CGGBP1: variants seen among roughly 807,000 people sequenced by gnomAD.
CGGBP1 encodes CGG triplet repeat-binding protein 1.
Under a neutral mutation model 11.4 loss-of-function variants are expected in CGGBP1, and 4 were observed. The observed-to-expected ratio is 0.35, with a 90% CI of 0.17 to 0.80. CGGBP1 has a LOEUF of 0.80. Among genes scored for constraint, CGGBP1 ranks in the 30% least tolerant of loss-of-function variants. The probability of loss-of-function intolerance (pLI) is 0.52; values close to 1 mark genes in which losing one functional copy is unlikely to be tolerated. For missense variants in CGGBP1, 135 were observed against 202.1 expected, an observed-to-expected ratio of 0.67 and a Z score of 2.01; for synonymous variants, 76 against 74.1, an observed-to-expected ratio of 1.03 and a Z score of -0.13.
intron 2 of CGGBP1, among the ~76,000 whole-genome samples, chr3:88,088,674 G>A (rs1184355393): frequency 6.6e-6 from 1 of 152,128 alleles, no homozygotes; most frequent in Non-Finnish European, 1.5e-5. Flanking sequence ...GAAATTGTAG[G>A]AGGGAAAGAG....
At chr3:88,099,628 T>C (rs1394305570) in intron 2 of CGGBP1, among the ~76,000 whole-genome samples, 1 of 151,972 alleles carries the variant, frequency 6.6e-6, no homozygotes, top group African/African-American at 2.4e-5. Context: ...AAAACAGAGA[T>C]ACAGACCAAT....
intron 2 of CGGBP1, among the ~76,000 whole-genome samples, chr3:88,071,785 C>G (rs1335862819): frequency 6.6e-6 from 1 of 152,040 alleles, no homozygotes; most frequent in Non-Finnish European, 1.5e-5. Flanking sequence ...GCCTGGGCGA[C>G]AAGAGTGAGA....
At chr3:88,072,317 G>C (rs115772298) in intron 2 of CGGBP1, among the ~76,000 whole-genome samples, 2,840 of 152,232 alleles carry the variant, frequency 0.019, 95 homozygotes, top group African/African-American at 0.064. Flanking sequence ...TTACACAGCA[G>C]TCAATGTGAT....
intron 2 of CGGBP1, among the ~76,000 whole-genome samples, chr3:88,077,287 C>A (rs1355227503): frequency 2.0e-5 from 3 of 150,854 alleles, no homozygotes; most frequent in Non-Finnish European, 4.4e-5. Flanking sequence ...TTTGCCCTGG[C>A]TTATGTTGGT....
chr3:88,125,925 A>T (rs1054716544), intron 2 of CGGBP1, among the ~76,000 whole-genome samples: 1 of 152,212 alleles, frequency 6.6e-6, no homozygotes, highest in Non-Finnish European at 1.5e-5. Context: ...AAGTCCAGTT[A>T]TACAGATACT....
intron 2 of CGGBP1, among the ~76,000 whole-genome samples, chr3:88,071,941 G>A (rs1175584135): frequency 6.6e-6 from 1 of 152,154 alleles, no homozygotes; most frequent in Non-Finnish European, 1.5e-5. Context: ...TAACTTGTAA[G>A]TGCTCATAAA....
At chr3:88,087,565 G>A (rs1404826776) in intron 2 of CGGBP1, among the ~76,000 whole-genome samples, 1 of 152,172 alleles carries the variant, frequency 6.6e-6, no homozygotes, top group East Asian at 1.9e-4. Flanking sequence ...AGTTTTCTGG[G>A]GGACAGAAAG....
intron 2 of CGGBP1, chr3:88,057,679 G>C (rs943122481): frequency 2.0e-5 from 3 of 152,178 alleles, no homozygotes; most frequent in Non-Finnish European, 4.4e-5. Flanking sequence ...TATGTAAAAA[G>C]TCTTGTATCT....
Position 88,055,768 on chromosome 3 carries a change from C to T in CGGBP1, c.209G>A (p.Arg70Lys), listed in dbSNP as rs2107558824. The change falls in exon 4 of 4, where the codon AGG (arginine) becomes AAG (lysine). Residue 70 changes from arginine to lysine, a missense_variant. By Grantham distance (26) the Arg-to-Lys change is conservative. Transcript: ENST00000482016. The surrounding 1 kb of genome is among the most constrained non-coding windows in gnomAD (Gnocchi z 4.2). ...ATTCTGCTCTTCAAATTCTGCCTTC[C>T]TCTTGGTATGAGTCTTTGACTTGAG... ...DHLKSKTHTKRKAEFEEQNVR... is the reference protein window; with the variant it reads ...DHLKSKTHTKKKAEFEEQNVR... 1.9e-6 allele frequency: 3 copies of T among 1,614,184 alleles called. No individual in the cohort carries two copies. The East Asian group carries it at 6.7e-5, about 36-fold the overall frequency.
At chr3:88,084,800 C>T (rs772927540) in intron 2 of CGGBP1, among the ~76,000 whole-genome samples, 33 of 152,152 alleles carry the variant, frequency 2.2e-4, no homozygotes, top group Non-Finnish European at 4.1e-4. Flanking sequence ...TATGATGATG[C>T]CCCTTGCTAC....
chr3:88,108,462 C>G (rs984977370), intron 2 of CGGBP1, among the ~76,000 whole-genome samples: 3 of 152,126 alleles, frequency 2.0e-5, no homozygotes, highest in Non-Finnish European at 4.4e-5. Context: ...GATTCACTTT[C>G]TGCGGTTTGT....
intron 2 of CGGBP1, among the ~76,000 whole-genome samples, chr3:88,134,592 G>C (rs1224919960): frequency 6.6e-6 from 1 of 151,908 alleles, no homozygotes; most frequent in Non-Finnish European, 1.5e-5. Context: ...TACTATTTCA[G>C]AATCAATACT....
intron 2 of CGGBP1, chr3:88,135,108 C>T (rs1706698742): frequency 6.8e-7 from 1 of 1,478,218 alleles, no homozygotes; most frequent in African/African-American, 1.4e-5. Flanking sequence ...TCTAATCCTT[C>T]AAAACAAGTT....
upstream of CGGBP1, among the ~76,000 whole-genome samples, chr3:88,060,965 C>G (rs1706845431): frequency 6.6e-6 from 1 of 152,080 alleles, no homozygotes; most frequent in Non-Finnish European, 1.5e-5. Context: ...AAGAGTATGT[C>G]AGTTTCTTTG....
At chr3:88,125,737 C>A (rs1225092191) in intron 2 of CGGBP1, among the ~76,000 whole-genome samples, 2 of 152,208 alleles carry the variant, frequency 1.3e-5, no homozygotes, top group Non-Finnish European at 2.9e-5. Flanking sequence ...CCCACGCCCC[C>A]TGCCCTACCA....
intron 1 of CGGBP1, among the ~76,000 whole-genome samples, chr3:88,145,776 T>C (rs138923496): frequency 6.6e-6 from 1 of 152,256 alleles, no homozygotes; most frequent in African/African-American, 2.4e-5. Context: ...GTACTGCACA[T>C]TGGGGGGAAG....
At position 88,054,016 on chromosome 3, in the gene CGGBP1, C is replaced by A. The variant is rs1201013459; in HGVS notation, c.*1457G>T. ...TAGAAACTTAAGTCTGTAAAAAAAT[C>A]TTAAGACATGGAAAGCTGTTACTGA... On this transcript the variant is annotated 3_prime_UTR_variant, in exon 4 of 4. Transcript: ENST00000482016. 6.6e-6 allele frequency: 1 copy of A among 152,492 alleles called. No individual in the cohort carries two copies. Among genetic ancestry groups the A allele is most frequent in the Non-Finnish European group, 1.5e-5 (1 of 67,980 alleles). The allele number at this position is 152,492 out of a possible 1,614,324, so 9.4% of individuals were successfully genotyped here.
At chr3:88,086,444 A>G (rs1321610894) in intron 2 of CGGBP1, 12 of 1,405,680 alleles carry the variant, frequency 8.5e-6, no homozygotes, top group Admixed American at 7.7e-5. Context: ...ATTTTTCTTG[A>G]TGTGTTTGAG....
chr3:88,065,807 A>G (rs1430234021), intron 2 of CGGBP1, among the ~76,000 whole-genome samples: 1 of 151,972 alleles, frequency 6.6e-6, no homozygotes, highest in African/African-American at 2.4e-5. Flanking sequence ...GCTCACTGCA[A>G]CCTCCCTGTC....
Sources: allele counts gnomAD v4.1 joint callset (sites outside exome capture counted in the v4.1 genomes callset), GRCh38; gene constraint gnomAD v4.1.1; non-coding constraint Gnocchi (gnomAD v3.1); transcripts MANE v1.5; gene names NCBI Gene and HGNC (gene_info 2026-07-23, HGNC 2026-07-21).